The following LINGO2 variants were observed in gnomAD, a reference collection of about 807,000 sequenced individuals.
LINGO2 encodes the protein leucine rich repeat and Ig domain containing 2, also known as leucine-rich repeat and immunoglobulin-like domain-containing nogo receptor-interacting protein 2.
LINGO2 carries 14 observed loss-of-function variants against 30.6 expected under a neutral mutation model. The observed-to-expected ratio is 0.46, with a 90% CI of 0.30 to 0.72. LINGO2 has a LOEUF of 0.72. Among genes scored for constraint, LINGO2 ranks in the 30% least tolerant of loss-of-function variants. LINGO2 has a pLI of 0.07. For missense variants in LINGO2, 729 were observed against 751.7 expected (o/e 0.97, Z 0.35); for synonymous variants, 317 against 288.5 (o/e 1.10, Z -1.00).
chr9:29,198,813 G>A, the LINGO2 span, among the ~76,000 whole-genome samples: 7 of 152,092 alleles, frequency 4.6e-5, 1 homozygote, highest in South Asian at 4.1e-4. Flanking sequence ...TAGGTGAATG[G>A]AATAATCCCA....
At chr9:28,986,905 T>G in the LINGO2 span, among the ~76,000 whole-genome samples, 1 of 151,982 alleles carries the variant, frequency 6.6e-6, no homozygotes, top group Non-Finnish European at 1.5e-5. Context: ...CCATTGCAAG[T>G]TGGAGAACAT....
intron 4 of LINGO2, among the ~76,000 whole-genome samples, chr9:28,200,498 T>C (rs1293918622): frequency 6.7e-6 from 1 of 150,106 alleles, no homozygotes; most frequent in Non-Finnish European, 1.5e-5. Context: ...TATAGTTCTC[T>C]TAAGGAAAAA....
At chr9:28,770,443 T>G in the LINGO2 span, among the ~76,000 whole-genome samples, 7 of 152,286 alleles carry the variant, frequency 4.6e-5, no homozygotes, top group South Asian at 1.4e-3. Flanking sequence ...TCTCACCTGC[T>G]TGTACTCTGC....
chr9:28,178,434 T>C (rs1202505948), intron 4 of LINGO2, among the ~76,000 whole-genome samples: 1 of 152,108 alleles, frequency 6.6e-6, no homozygotes, highest in African/African-American at 2.4e-5. Context: ...GCAGAAACTT[T>C]CTAAGTGTTA....
chr9:28,917,885 T>G, the LINGO2 span, among the ~76,000 whole-genome samples: 1 of 151,914 alleles, frequency 6.6e-6, no homozygotes, highest in Non-Finnish European at 1.5e-5. Flanking sequence ...TGAATAGTCA[T>G]TAATACGAAG....
At chr9:28,278,287 T>C (rs1823200804) in intron 4 of LINGO2, among the ~76,000 whole-genome samples, 1 of 152,204 alleles carries the variant, frequency 6.6e-6, no homozygotes, top group South Asian at 2.1e-4. Flanking sequence ...AGCAAGTTAT[T>C]TAGAAGATCT....
At chr9:28,987,425 T>C in the LINGO2 span, among the ~76,000 whole-genome samples, 1 of 152,154 alleles carries the variant, frequency 6.6e-6, no homozygotes, top group Admixed American at 6.5e-5. Context: ...TTTATTTGAA[T>C]CTTCTCTATT....
At chr9:28,195,549 T>C (rs1819982369) in intron 4 of LINGO2, among the ~76,000 whole-genome samples, 1 of 150,478 alleles carries the variant, frequency 6.6e-6, no homozygotes, top group South Asian at 2.1e-4. Flanking sequence ...AATAATTAAA[T>C]AAATATTAAA....
At chr9:28,588,972 T>C (rs1824719070) in intron 1 of LINGO2, among the ~76,000 whole-genome samples, 2 of 151,900 alleles carry the variant, frequency 1.3e-5, no homozygotes, top group Admixed American at 1.3e-4. Flanking sequence ...CCAATGAGTC[T>C]TAACTATGCA....
intron 5 of LINGO2, among the ~76,000 whole-genome samples, chr9:28,000,007 T>C (rs540679369): frequency 3.2e-4 from 48 of 152,264 alleles, no homozygotes; most frequent in Admixed American, 5.2e-4. Flanking sequence ...TGAAATAAGC[T>C]TTTGAGGGGA....
the LINGO2 span, among the ~76,000 whole-genome samples, chr9:28,970,574 G>A: frequency 6.6e-6 from 1 of 152,130 alleles, no homozygotes; most frequent in African/African-American, 2.4e-5. Flanking sequence ...TGTGCTGAGG[G>A]AGGGAGAGCA....
intron 1 of LINGO2, among the ~76,000 whole-genome samples, chr9:28,499,379 T>A (rs1167041242): frequency 6.6e-6 from 1 of 152,200 alleles, no homozygotes. Flanking sequence ...AAGTCTTGAG[T>A]GATCATAGTT....
At chr9:28,346,369 T>C (rs189619576) in intron 3 of LINGO2, among the ~76,000 whole-genome samples, 6 of 152,316 alleles carry the variant, frequency 3.9e-5, no homozygotes, top group East Asian at 3.9e-4. Flanking sequence ...ACAAAGGACA[T>C]GATCTCATTC....
the LINGO2 span, among the ~76,000 whole-genome samples, chr9:28,985,805 A>G: frequency 6.6e-6 from 1 of 151,828 alleles, no homozygotes; most frequent in African/African-American, 2.4e-5. Flanking sequence ...TATTCTCCCA[A>G]TCCCTAAGTT....
intron 1 of LINGO2, among the ~76,000 whole-genome samples, chr9:28,528,627 G>A (rs554203309): frequency 6.6e-6 from 1 of 152,182 alleles, no homozygotes; most frequent in East Asian, 1.9e-4. Context: ...GGAGGTACAT[G>A]AGTTGTACTA....
the LINGO2 span, among the ~76,000 whole-genome samples, chr9:29,051,885 T>C: frequency 6.6e-6 from 1 of 152,160 alleles, no homozygotes; most frequent in Non-Finnish European, 1.5e-5. Context: ...ATAATATTGA[T>C]TAATAATTGG....
intron 4 of LINGO2, among the ~76,000 whole-genome samples, chr9:28,054,008 T>G (rs1273831315): frequency 6.6e-6 from 1 of 151,884 alleles, no homozygotes; most frequent in Non-Finnish European, 1.5e-5. Flanking sequence ...GTCGAGGGCC[T>G]GTATATATGC....
intron 1 of LINGO2, among the ~76,000 whole-genome samples, chr9:28,594,706 G>T (rs1242438006): frequency 1.3e-5 from 2 of 152,016 alleles, no homozygotes; most frequent in Non-Finnish European, 2.9e-5. Flanking sequence ...AAGAGAGATC[G>T]CAATATGAAA....
intron 4 of LINGO2, among the ~76,000 whole-genome samples, chr9:28,260,397 A>C (rs1822525109): frequency 6.6e-6 from 1 of 151,734 alleles, no homozygotes; most frequent in Non-Finnish European, 1.5e-5. Flanking sequence ...GGTCGCTTTG[A>C]CTTCAAACTT....
Sources: gnomAD v4.1 joint callset for allele counts (sites outside exome capture counted in the v4.1 genomes callset) on GRCh38, gnomAD v4.1.1 for gene constraint, MANE v1.5 for transcripts, NCBI Gene and HGNC (gene_info 2026-07-23, HGNC 2026-07-21) for gene names.